The following NXPE2 variants were observed in gnomAD, a reference collection of about 807,000 sequenced individuals.
NXPE2 encodes NXPE family member 2.
A neutral mutation model predicts 34.4 loss-of-function variants in NXPE2; 34 were observed. That is an observed-to-expected ratio of 0.99 (90% CI 0.75 to 1.31). The LOEUF (loss-of-function observed/expected upper bound fraction) is 1.31. Among genes scored for constraint, NXPE2 ranks in the 40% most tolerant of loss-of-function variants. NXPE2 has a pLI of 0.00. For synonymous variants in NXPE2, 235 were observed against 231.3 expected, an observed-to-expected ratio of 1.02 and a Z score of -0.15; for missense variants, 649 against 672.5, an observed-to-expected ratio of 0.97 and a Z score of 0.39.
At chr11:114,668,726 C>CT in the NXPE2 span, among the ~76,000 whole-genome samples, 14,006 of 152,096 alleles carry the variant, frequency 0.092, 762 homozygotes, top group Middle Eastern at 0.2. Flanking sequence ...TAATAAGTTA[C>CT]TGTTAATCTT....
At chr11:114,648,732 C>T in the NXPE2 span, among the ~76,000 whole-genome samples, 6 of 151,998 alleles carry the variant, frequency 3.9e-5, no homozygotes, top group Non-Finnish European at 7.4e-5. Flanking sequence ...ACAACTATCC[C>T]GCATACAACT....
At chr11:114,634,544 T>A in the NXPE2 span, among the ~76,000 whole-genome samples, 2 of 152,080 alleles carry the variant, frequency 1.3e-5, no homozygotes, top group African/African-American at 4.8e-5. Flanking sequence ...TGCCCATGCC[T>A]ATGTCCTGAA....
chr11:114,488,803 A>G, the NXPE2 span, among the ~76,000 whole-genome samples: 1 of 152,192 alleles, frequency 6.6e-6, no homozygotes, highest in Non-Finnish European at 1.5e-5. Flanking sequence ...AAAGAACTAG[A>G]GAAGCAAGAG....
the NXPE2 span, among the ~76,000 whole-genome samples, chr11:114,633,608 C>T: frequency 6.8e-6 from 1 of 146,610 alleles, no homozygotes; most frequent in Non-Finnish European, 1.5e-5. Context: ...TGCTATCCCT[C>T]CCACCCTGCC....
At chr11:114,797,443 G>A in the NXPE2 span, among the ~76,000 whole-genome samples, 1 of 152,180 alleles carries the variant, frequency 6.6e-6, no homozygotes, top group Non-Finnish European at 1.5e-5. Context: ...TTCTCAAGGA[G>A]ATGCTTAAAT....
At chr11:114,778,932 T>C in the NXPE2 span, among the ~76,000 whole-genome samples, 1 of 152,212 alleles carries the variant, frequency 6.6e-6, no homozygotes, top group Non-Finnish European at 1.5e-5. Flanking sequence ...GGCTTTAAAG[T>C]TCTTAATTGA....
At chr11:114,783,508 G>C in the NXPE2 span, among the ~76,000 whole-genome samples, 2 of 152,154 alleles carry the variant, frequency 1.3e-5, no homozygotes, top group Non-Finnish European at 2.9e-5. Context: ...ATTGCTATTA[G>C]AGATCACACA....
At chr11:114,522,219 A>G in the NXPE2 span, 1 of 1,614,054 alleles carries the variant, frequency 6.2e-7, no homozygotes, top group East Asian at 2.2e-5. Context: ...CTTCTTAGGA[A>G]CAGTCTTTCA....
chr11:114,625,482 T>G, the NXPE2 span, among the ~76,000 whole-genome samples: 9 of 144,200 alleles, frequency 6.2e-5, no homozygotes, highest in Non-Finnish European at 9.1e-5. Flanking sequence ...GTGGATAATA[T>G]GTATGGCCTC....
At chr11:114,566,258 A>C in the NXPE2 span, among the ~76,000 whole-genome samples, 1 of 151,632 alleles carries the variant, frequency 6.6e-6, no homozygotes, top group Non-Finnish European at 1.5e-5. Flanking sequence ...ACCCCAAATT[A>C]GCATATAGAT....
At chr11:114,496,818 G>A in the NXPE2 span, among the ~76,000 whole-genome samples, 2 of 152,098 alleles carry the variant, frequency 1.3e-5, no homozygotes, top group Non-Finnish European at 1.5e-5. Context: ...AATTCCTATT[G>A]CCTAGTGATG....
At position 114,698,787 on chromosome 11, in the gene NXPE2, G is replaced by T. The variant is rs760029939; in HGVS notation, c.866+9G>T. 2 of 1,501,864 alleles carry T rather than the reference G, an allele frequency of 1.3e-6. No homozygotes were observed. Among genetic ancestry groups the T allele is most frequent in the Non-Finnish European group, 1.8e-6 (2 of 1,128,322 alleles). 93.0% of individuals were successfully genotyped at this position (1,501,864 alleles called of 1,614,324 possible). ...TGGAGGCTTTTCCACAGGTAAAGAG[G>T]CTTTTAAATACAATAGCAGATAAAA... On this transcript the variant is annotated intron_variant, in intron 3 of 5. Transcript: ENST00000389586.
chr11:114,695,866 C>CACACACAA (rs960618609), intron 2 of NXPE2, among the ~76,000 whole-genome samples: 2 of 149,320 alleles, frequency 1.3e-5, no homozygotes, highest in African/African-American at 2.5e-5. Flanking sequence ...CACACACACA[C>CACACACAA]AATTAGCTGG....
the NXPE2 span, among the ~76,000 whole-genome samples, chr11:114,575,604 A>G: frequency 6.6e-6 from 1 of 151,934 alleles, no homozygotes; most frequent in Non-Finnish European, 1.5e-5. Flanking sequence ...GCTGTAAAAT[A>G]AAATAAAATA....
the NXPE2 span, among the ~76,000 whole-genome samples, chr11:114,781,418 G>A: frequency 6.6e-6 from 1 of 152,326 alleles, no homozygotes; most frequent in South Asian, 2.1e-4. Flanking sequence ...AATGCCAAAG[G>A]ATTTGCAGGA....
the NXPE2 span, chr11:114,571,401 A>G: frequency 6.2e-7 from 1 of 1,613,862 alleles, no homozygotes; most frequent in Non-Finnish European, 8.5e-7. Flanking sequence ...CTGGATGTTG[A>G]TGTTCCTATC....
At chr11:114,613,924 GATA>G in the NXPE2 span, among the ~76,000 whole-genome samples, 5 of 151,926 alleles carry the variant, frequency 3.3e-5, no homozygotes, top group African/African-American at 1.2e-4. Flanking sequence ...TTACCCAGTG[GATA>G]ATAAGTATTG....
the NXPE2 span, among the ~76,000 whole-genome samples, chr11:114,491,134 A>C: frequency 7.5e-6 from 1 of 134,062 alleles, no homozygotes; most frequent in Non-Finnish European, 1.6e-5. Context: ...TGCAGTCCGC[A>C]GTCCGGCCTG....
chr11:114,613,399 TG>T, the NXPE2 span, among the ~76,000 whole-genome samples: 1 of 150,716 alleles, frequency 6.6e-6, no homozygotes, highest in African/African-American at 2.4e-5. Context: ...GCCTCGTGGG[TG>T]GGTAAGCACT....
Sources: gnomAD v4.1 joint callset for allele counts (sites outside exome capture counted in the v4.1 genomes callset) on GRCh38, gnomAD v4.1.1 for gene constraint, MANE v1.5 for transcripts, NCBI Gene and HGNC (gene_info 2026-07-23, HGNC 2026-07-21) for gene names.